The following CCDC171 variants were observed in gnomAD, a reference collection of about 807,000 sequenced individuals.
CCDC171 encodes coiled-coil domain containing 171, also known as coiled-coil domain-containing protein 171.
Under a neutral mutation model 168.2 loss-of-function variants are expected in CCDC171, and 177 were observed. That is an observed-to-expected ratio of 1.05 (90% CI 0.93 to 1.19). The LOEUF is 1.19. CCDC171 is among the 50% of genes most tolerant of loss of function. CCDC171 has a pLI of 0.00. For synonymous variants in CCDC171, 687 were observed against 540.8 expected (o/e 1.27, Z -3.75); for missense variants, 1,991 against 1,539.0 (o/e 1.29, Z -4.91).
At chr9:15,813,663 T>G (rs1227091359) in intron 21 of CCDC171, among the ~76,000 whole-genome samples, 1 of 152,164 alleles carries the variant, frequency 6.6e-6, no homozygotes, top group African/African-American at 2.4e-5. Context: ...TATTGTATAT[T>G]GTGTCTTTTT....
chr9:15,868,649 A>G (rs984728426), intron 23 of CCDC171, among the ~76,000 whole-genome samples: 1 of 152,044 alleles, frequency 6.6e-6, no homozygotes, highest in African/African-American at 2.4e-5. Flanking sequence ...CAGACAATAG[A>G]TATAAAGAAA....
chr9:15,984,838 A>C (rs1251252090), intron 3 of CCDC171, among the ~76,000 whole-genome samples: 1 of 152,190 alleles, frequency 6.6e-6, no homozygotes. Context: ...CTTCTCAACA[A>C]AAACAGATAT....
the CCDC171 span, among the ~76,000 whole-genome samples, chr9:16,094,182 C>T: frequency 2.0e-5 from 3 of 152,112 alleles, no homozygotes; most frequent in East Asian, 1.9e-4. Flanking sequence ...ACTTGGAAAG[C>T]GGGGTGGGCC....
At chr9:15,585,966 ACT>A (rs1295136270) in intron 4 of CCDC171, among the ~76,000 whole-genome samples, 6 of 152,112 alleles carry the variant, frequency 3.9e-5, no homozygotes, top group African/African-American at 1.2e-4. Context: ...ACAGAGTGAG[ACT>A]CTGTCTCAAA....
At chr9:15,655,245 C>T (rs933548474) in intron 7 of CCDC171, among the ~76,000 whole-genome samples, 13 of 151,502 alleles carry the variant, frequency 8.6e-5, no homozygotes, top group East Asian at 5.8e-4. Context: ...TTTATTTTTT[C>T]GCCAAATTTC....
chr9:15,734,576 A>G (rs1156488691), intron 16 of CCDC171, among the ~76,000 whole-genome samples: 2 of 152,118 alleles, frequency 1.3e-5, no homozygotes, highest in African/African-American at 4.8e-5. Context: ...ATAAATAGGC[A>G]TATATTCTGT....
chr9:15,809,937 G>A (rs1227919065), intron 21 of CCDC171, among the ~76,000 whole-genome samples: 3 of 152,040 alleles, frequency 2.0e-5, no homozygotes, highest in Non-Finnish European at 2.9e-5. Flanking sequence ...TGTTTGGTCC[G>A]TTTTACAGAG....
At chr9:15,641,282 A>T (rs1438829852) in intron 7 of CCDC171, among the ~76,000 whole-genome samples, 1 of 152,208 alleles carries the variant, frequency 6.6e-6, no homozygotes, top group African/African-American at 2.4e-5. Flanking sequence ...GTATGTACTC[A>T]TGATAATTCA....
intron 24 of CCDC171, among the ~76,000 whole-genome samples, chr9:15,884,929 ATGACC>A (rs1203980977): frequency 5.9e-5 from 9 of 152,300 alleles, no homozygotes; most frequent in Admixed American, 2.0e-4. Context: ...TTTTTGATTG[ATGACC>A]TGTTCAACAT....
At chr9:16,001,850 TTTTTTGAGAC>T in intron 3 of CCDC171, among the ~76,000 whole-genome samples, 1 of 151,154 alleles carries the variant, frequency 6.6e-6, no homozygotes, top group East Asian at 1.9e-4. Flanking sequence ...TTTTTTTTTT[TTTTTTGAGAC>T]AGTGTCTCGC....
intron 24 of CCDC171, among the ~76,000 whole-genome samples, chr9:15,911,805 A>T (rs1000143990): frequency 6.6e-6 from 1 of 152,182 alleles, no homozygotes; most frequent in African/African-American, 2.4e-5. Context: ...TAAATAGGGA[A>T]TCCTTTCCCC....
In CCDC171 at chr9:15,870,999, G is replaced by C. The variant is rs1378600127; in HGVS notation, c.3469-3533G>C. 2.0e-5 allele frequency among the ~76,000 whole-genome samples: 3 copies of C among 150,984 alleles called. No homozygotes were observed. The South Asian group carries it at 6.2e-4, about 31-fold the overall frequency. On this transcript the variant is annotated intron_variant, in intron 23 of 25. Coordinates refer to ENST00000380701, the MANE Select transcript of CCDC171 (RefSeq NM_173550.4). Reference sequence around the variant, plus strand: ...TGGAACTGTTTTGACTTTTTAGAAAGTTTTATTTATTTTCTTCTCCTGTTT... The same window carrying C: ...TGGAACTGTTTTGACTTTTTAGAAACTTTTATTTATTTTCTTCTCCTGTTT...
At chr9:15,944,371 A>G (rs1028522166) in intron 25 of CCDC171, among the ~76,000 whole-genome samples, 2 of 152,034 alleles carry the variant, frequency 1.3e-5, no homozygotes, top group Non-Finnish European at 2.9e-5. Context: ...ACTTGTCGAT[A>G]TATAGTTTTT....
chr9:15,951,202 T>C (rs987409681), intron 25 of CCDC171, among the ~76,000 whole-genome samples: 3 of 150,234 alleles, frequency 2.0e-5, no homozygotes, highest in Non-Finnish European at 4.4e-5. Flanking sequence ...ACTGTCAACA[T>C]TGGACAGATC....
At chr9:15,778,890 T>C in intron 19 of CCDC171, 78 bp from the exon 20 acceptor site, 3 of 1,056,258 alleles carry the variant, frequency 2.8e-6, no homozygotes, top group Non-Finnish European at 2.6e-6. Flanking sequence ...AAGTTACATT[T>C]AATTTAGTAA....
chr9:15,820,638 G>T (rs1326448030), intron 21 of CCDC171, among the ~76,000 whole-genome samples: 1 of 117,140 alleles, frequency 8.5e-6, no homozygotes, highest in Non-Finnish European at 1.9e-5. Context: ...ACTAAACCAG[G>T]AAGAATTTGA....
chr9:16,001,227 T>G (rs1297442402), intron 3 of CCDC171, among the ~76,000 whole-genome samples: 1 of 152,172 alleles, frequency 6.6e-6, no homozygotes, highest in African/African-American at 2.4e-5. Flanking sequence ...CTCAAAGTGC[T>G]GATGGATTTT....
At chr9:15,890,751 A>G (rs778992253) in intron 24 of CCDC171, among the ~76,000 whole-genome samples, 2 of 152,204 alleles carry the variant, frequency 1.3e-5, no homozygotes, top group African/African-American at 4.8e-5. Context: ...TTATACCTCA[A>G]TAAACCTGTT....
At chr9:15,845,062 C>G (rs2060837713) in intron 21 of CCDC171, among the ~76,000 whole-genome samples, 1 of 152,030 alleles carries the variant, frequency 6.6e-6, no homozygotes, top group Non-Finnish European at 1.5e-5. Flanking sequence ...TTAGTTTGAT[C>G]TTCATATTTG....
Sources: gnomAD v4.1 joint callset for allele counts (sites outside exome capture counted in the v4.1 genomes callset) on GRCh38, gnomAD v4.1.1 for gene constraint, MANE v1.5 for transcripts, NCBI Gene and HGNC (gene_info 2026-07-23, HGNC 2026-07-21) for gene names.